IL9R: variants seen among roughly 807,000 people sequenced by gnomAD.
The protein encoded by IL9R is interleukin-9 receptor.
IL9R carries 54 observed loss-of-function variants against 56.3 expected under a neutral mutation model. That is an observed-to-expected ratio of 0.96 (90% CI 0.77 to 1.20). The LOEUF (loss-of-function observed/expected upper bound fraction) is 1.20, where lower values mean the gene tolerates loss of function less well. Among genes scored for constraint, IL9R ranks in the 50% most tolerant of loss-of-function variants. The pLI is 0.00. For synonymous variants in IL9R, 212 were observed against 250.2 expected, an observed-to-expected ratio of 0.85 and a Z score of 1.44; for missense variants, 545 against 629.8, an observed-to-expected ratio of 0.87 and a Z score of 1.44.
intron 8 of IL9R, among the ~76,000 whole-genome samples, chrX:156,008,869 CTGTGTGTGTG>C (rs1283159353): frequency 1.4e-5 from 2 of 147,810 alleles, no homozygotes; most frequent in Non-Finnish European, 3.0e-5. Context: ...GTGTGTGTGT[CTGTGTGTGTG>C]TGTGTGTGTG....
At position 156,004,542 on chromosome X, in the gene IL9R, A is replaced by T; in HGVS notation, c.556A>T (p.Lys186Ter). ...ACTTCTCAGCTATGAGCTGGCCTTC[A>T]AGAAGCAGGAAGAGGCCTGGGAGGT... ...TTLLSYELAF[K>*]KQEEAWEQAQ... Residue 186 changes from lysine to a stop codon, truncating the protein, a stop_gained, in exon 5 of 9, where the codon AAG becomes TAG. Transcript: ENST00000244174. LOFTEE classifies it high-confidence loss of function. 1 of 1,612,890 alleles carries T rather than the reference A, an allele frequency of 6.2e-7. No individual in the cohort carries two copies. The highest frequency in any genetic ancestry group is 8.5e-7 in the Non-Finnish European group (1 of 1,179,852).
chrX:155,999,110 T>C (rs1280090725), intron 1 of IL9R, among the ~76,000 whole-genome samples: 1 of 151,928 alleles, frequency 6.6e-6, no homozygotes, highest in African/African-American at 2.4e-5. Context: ...ACTAGGGGAC[T>C]GGGGAAAGGC....
intron 7 of IL9R, among the ~76,000 whole-genome samples, chrX:156,007,045 G>A (rs1371771531): frequency 2.0e-5 from 3 of 151,978 alleles, no homozygotes; most frequent in South Asian, 4.2e-4. Flanking sequence ...GGGGAAATGG[G>A]GGACAGCCTT....
chrX:156,006,834 G>C (rs865859823), intron 7 of IL9R, among the ~76,000 whole-genome samples: 13 of 150,892 alleles, frequency 8.6e-5, no homozygotes, highest in African/African-American at 3.2e-4. Context: ...TATGTTTTGA[G>C]GAATAGATTG....
At chrX:156,007,499 C>T (rs1254294115) in intron 7 of IL9R, 24 bp from the exon 8 acceptor site, 1 of 1,003,174 alleles carries the variant, frequency 1.0e-6, no homozygotes, top group Non-Finnish European at 1.5e-6. Flanking sequence ...CCATAGGCCT[C>T]TGACTGGCCT....
Position 156,003,721 on chromosome X carries a change from G to A in IL9R, c.299G>A (p.Ser100Asn). 6.2e-7 allele frequency: 1 copy of A among 1,613,828 alleles called. No individual in the cohort carries two copies. Among genetic ancestry groups the A allele is most frequent in the Non-Finnish European group, 8.5e-7 (1 of 1,179,778 alleles). Reference sequence around the variant, plus strand: ...ACACATAAGTGCATCTTGCGGGGCAGTGAGTGCACCGTCGTGCTGCCACCT... The same window carrying A: ...ACACATAAGTGCATCTTGCGGGGCAATGAGTGCACCGTCGTGCTGCCACCT... Reference protein sequence around the residue: ...GGTHKCILRGSECTVVLPPEA... With the variant: ...GGTHKCILRGNECTVVLPPEA... Residue 100 changes from serine (S) to asparagine (N), a missense_variant, in exon 4 of 9, where the codon AGT (serine) becomes AAT (asparagine). By Grantham distance (46) the Ser-to-Asn change is conservative. Transcript: ENST00000244174.
intron 5 of IL9R, among the ~76,000 whole-genome samples, 159 bp from the exon 6 acceptor site, chrX:156,005,116 TCTG>T (rs1195199797): frequency 2.0e-5 from 3 of 152,100 alleles, no homozygotes; most frequent in African/African-American, 7.2e-5. Context: ...GAGTGTGCCT[TCTG>T]TGTGTGTGTG....
intron 1 of IL9R, among the ~76,000 whole-genome samples, chrX:156,000,714 T>C (rs1392275849): frequency 6.6e-6 from 1 of 152,204 alleles, no homozygotes; most frequent in African/African-American, 2.4e-5. Context: ...CTGCCCTGAC[T>C]GCCTGGCCCT....
intron 1 of IL9R, 111 bp from the exon 2 acceptor site, chrX:156,002,795 G>C (rs1290894435): frequency 6.8e-7 from 1 of 1,470,196 alleles, no homozygotes; most frequent in Admixed American, 1.7e-5. Context: ...ACAGGACACT[G>C]TGTGAGTGCA....
rs1231923117 is a variant in IL9R at position 156,000,142 on chromosome X, A to AT, written c.28+2355_28+2356insT. On this transcript the variant is annotated intron_variant, in intron 1 of 8. Transcript: ENST00000244174. Reference sequence around the variant, plus strand: ...CAGAGCGAGACTCCGTCTAAAAAAAAAAAATATATATATATATACACACAT... The same window carrying AT: ...CAGAGCGAGACTCCGTCTAAAAAAAATAAAATATATATATATATACACACAT... 6.7e-3 allele frequency among the ~76,000 whole-genome samples: 939 copies of AT among 139,832 alleles called. 19 individuals carry two copies. Among genetic ancestry groups the AT allele is most frequent in the African/African-American group, 0.025 (860 of 34,080 alleles). 91.7% of individuals were successfully genotyped at this position (139,832 alleles called of 152,430 possible).
At chrX:156,005,538 CT>C in intron 6 of IL9R, 59 bp downstream of exon 6, 1 of 1,421,650 alleles carries the variant, frequency 7.0e-7, no homozygotes, top group Non-Finnish European at 9.9e-7. Flanking sequence ...GTCTTCTCCC[CT>C]GTTCACCTCA....
chrX:156,005,045 CAT>C (rs1294864460), intron 5 of IL9R, among the ~76,000 whole-genome samples: 3 of 151,966 alleles, frequency 2.0e-5, no homozygotes, highest in African/African-American at 7.3e-5. Flanking sequence ...TTCCTGTAGA[CAT>C]GTTTGCCTGT....
At chrX:156,000,134 TA>T (rs566708471) in intron 1 of IL9R, among the ~76,000 whole-genome samples, 21,326 of 141,130 alleles carry the variant, frequency 0.15, 2,278 homozygotes, top group South Asian at 0.26. Context: ...AGACTCCGTC[TA>T]AAAAAAAAAA....
intron 1 of IL9R, among the ~76,000 whole-genome samples, chrX:156,000,134 T>TAA (rs566708471): frequency 7.1e-5 from 10 of 141,304 alleles, no homozygotes; most frequent in Admixed American, 7.0e-5. Flanking sequence ...AGACTCCGTC[T>TAA]AAAAAAAAAA....
chrX:156,005,986 G>T (rs1410610541), intron 6 of IL9R, 97 bp from the exon 7 acceptor site: 2 of 696,332 alleles, frequency 2.9e-6, no homozygotes, highest in Admixed American at 5.2e-5. Flanking sequence ...TTCCACTTTG[G>T]CCCAGGGCAC....
chrX:156,000,159 T>TATATATATATATATATATATATATACAC (rs1569467538), intron 1 of IL9R, among the ~76,000 whole-genome samples: 4 of 149,888 alleles, frequency 2.7e-5, no homozygotes, highest in African/African-American at 9.9e-5. Context: ...TATATATATA[T>TATATATATATATATATATATATATACAC]ACACACATAT....
intron 1 of IL9R, among the ~76,000 whole-genome samples, chrX:156,000,429 A>G (rs1037057503): frequency 6.6e-6 from 1 of 152,112 alleles, no homozygotes; most frequent in African/African-American, 2.4e-5. Flanking sequence ...CACTGAGGCC[A>G]TGGAATGGGT....
At position 156,009,298 on chromosome X, in the gene IL9R, ATGTGTGTGTGTC is replaced by A. The variant is rs2068308562; in HGVS notation, c.973-508_973-497del. Among the ~76,000 whole-genome samples the A allele has an allele frequency of 6.9e-5, 4 of 58,248 alleles. No individual in the cohort carries two copies. In the South Asian group the frequency reaches 2.4e-3, roughly 35 times the overall value. The allele number at this position is 58,248 out of a possible 152,430, so 38.2% of individuals were successfully genotyped here. ...TGTATGTCTGTGTGTGTGTGTGTTTATGTGTGTGTGTCTGTGTGTGTTTATGTCTGTGTGTGT... is the reference window on the plus strand; with the variant it reads ...TGTATGTCTGTGTGTGTGTGTGTTTATGTGTGTGTTTATGTCTGTGTGTGT... On this transcript the variant is annotated intron_variant, in intron 8 of 8. Coordinates refer to ENST00000244174, the MANE Select transcript of IL9R (RefSeq NM_002186.3).
rs1166815397 is a variant in IL9R at position 156,009,282 on chromosome X, G to C, written c.973-534G>C. ...TGTGTGTGTTTGTGTGTGTATGTCT[G>C]TGTGTGTGTGTGTTTATGTGTGTGT... On this transcript the variant is annotated intron_variant, in intron 8 of 8. Coordinates refer to ENST00000244174, the MANE Select transcript of IL9R (RefSeq NM_002186.3). 1.3e-3 allele frequency among the ~76,000 whole-genome samples: 8 copies of C among 6,394 alleles called. 1 individual carries two copies. The highest frequency in any genetic ancestry group is 6.1e-4 in the Non-Finnish European group (2 of 3,298). The allele number at this position is 6,394 out of a possible 152,430, so 4.2% of individuals were successfully genotyped here.
Sources: allele counts gnomAD v4.1 joint callset (sites outside exome capture counted in the v4.1 genomes callset), GRCh38; gene constraint gnomAD v4.1.1; transcripts MANE v1.5; gene names NCBI Gene and HGNC (gene_info 2026-07-23, HGNC 2026-07-21).